METTL15: variants seen among roughly 807,000 people sequenced by gnomAD.
METTL15 encodes 12S rRNA N(4)-cytidine methyltransferase METTL15.
In METTL15, 34 loss-of-function variants were observed where a neutral mutation model predicts 38.3. The observed-to-expected ratio is 0.89, with a 90% CI of 0.68 to 1.18. The LOEUF (loss-of-function observed/expected upper bound fraction) is 1.18. Ranked by LOEUF, METTL15 falls within the 50% of genes most tolerant of loss-of-function variation. The pLI is 0.00. For missense variants in METTL15, 438 were observed against 498.4 expected (o/e 0.88, Z 1.15); for synonymous variants, 162 against 170.9 (o/e 0.95, Z 0.41).
chr11:28,117,055 T>C (rs980645441), intron 3 of METTL15, among the ~76,000 whole-genome samples: 2 of 152,132 alleles, frequency 1.3e-5, no homozygotes, highest in Non-Finnish European at 2.9e-5. Context: ...ATAAAACTTC[T>C]TGTTGAATGT....
intron 6 of METTL15, among the ~76,000 whole-genome samples, chr11:28,478,321 C>G (rs562120793): frequency 2.0e-5 from 3 of 152,116 alleles, no homozygotes; most frequent in African/African-American, 7.2e-5. Flanking sequence ...AATCTAAAGA[C>G]CACTCACAGA....
intron 4 of METTL15, among the ~76,000 whole-genome samples, chr11:28,276,216 C>T (rs574518017): frequency 6.6e-6 from 1 of 151,948 alleles, no homozygotes; most frequent in Non-Finnish European, 1.5e-5. Context: ...TGCCAGAAAC[C>T]TTTTAGATTT....
At chr11:28,275,882 A>G (rs1855823512) in intron 4 of METTL15, among the ~76,000 whole-genome samples, 1 of 152,084 alleles carries the variant, frequency 6.6e-6, no homozygotes, top group South Asian at 2.1e-4. Flanking sequence ...AACAACATTT[A>G]ATAAAATTCA....
chr11:28,108,783 CAAAAT>C (rs1851594236), intron 1 of METTL15, among the ~76,000 whole-genome samples: 1 of 152,070 alleles, frequency 6.6e-6, no homozygotes, highest in South Asian at 2.1e-4. Context: ...GATGGCATAA[CAAAAT>C]AAATTTAAAG....
intron 4 of METTL15, among the ~76,000 whole-genome samples, chr11:28,274,888 A>T (rs1480405841): frequency 6.6e-6 from 1 of 151,848 alleles, no homozygotes; most frequent in Non-Finnish European, 1.5e-5. Flanking sequence ...ATATATATGT[A>T]ACAAACCTGC....
intron 5 of METTL15, among the ~76,000 whole-genome samples, chr11:28,393,572 C>T (rs1169967493): frequency 1.3e-5 from 2 of 152,036 alleles, no homozygotes; most frequent in African/African-American, 4.8e-5. Context: ...CAAACGGGGG[C>T]TGGCTGTTGG....
rs186473173 is a variant in METTL15 at position 28,292,523 on chromosome 11, G to A, written c.599+2126G>A. ...GAATAGTGCCTCAATAAACATACGT[G>A]TGCGTGTGTCTTTATAGCAGCATGA... On this transcript the variant is annotated intron_variant, in intron 5 of 6. Coordinates refer to ENST00000407364, the MANE Select transcript of METTL15 (RefSeq NM_001113528.2). 7.6e-4 allele frequency among the ~76,000 whole-genome samples: 115 copies of A among 152,206 alleles called. 2 individuals carry two copies. The highest frequency in any genetic ancestry group is 1.5e-3 in the Admixed American group (23 of 15,288).
At chr11:28,434,038 A>C (rs889689299) in intron 6 of METTL15, among the ~76,000 whole-genome samples, 1 of 152,082 alleles carries the variant, frequency 6.6e-6, no homozygotes, top group Non-Finnish European at 1.5e-5. Context: ...CTGTTTCCCC[A>C]CCCAAATCTC....
intron 4 of METTL15, among the ~76,000 whole-genome samples, chr11:28,255,649 T>C (rs1253901766): frequency 6.6e-6 from 1 of 152,228 alleles, no homozygotes; most frequent in African/African-American, 2.4e-5. Context: ...AAAGAGTTTT[T>C]ATTATAAAGG....
chr11:28,512,510 A>G (rs188484853), intron 6 of METTL15, among the ~76,000 whole-genome samples: 14 of 152,266 alleles, frequency 9.2e-5, no homozygotes, highest in Non-Finnish European at 2.1e-4. Flanking sequence ...TGAGAAATCA[A>G]TCTCAGCGCC....
chr11:28,162,345 A>G (rs1330992463), intron 3 of METTL15, among the ~76,000 whole-genome samples: 2 of 152,176 alleles, frequency 1.3e-5, no homozygotes, highest in Non-Finnish European at 2.9e-5. Context: ...AGAGTATGGT[A>G]GGTAGTATCA....
At chr11:28,522,663 C>T (rs1364221061) in intron 6 of METTL15, among the ~76,000 whole-genome samples, 1 of 152,130 alleles carries the variant, frequency 6.6e-6, no homozygotes, top group Admixed American at 6.5e-5. Flanking sequence ...CACAAGAAGG[C>T]AGAAGGAGCC....
At chr11:28,372,192 T>A (rs951502730) in intron 5 of METTL15, among the ~76,000 whole-genome samples, 3 of 152,058 alleles carry the variant, frequency 2.0e-5, no homozygotes, top group African/African-American at 7.2e-5. Context: ...AAAGAGATGT[T>A]GAATTTTATT....
chr11:28,457,902 TCA>T (rs1488167387), intron 6 of METTL15, among the ~76,000 whole-genome samples: 23 of 152,214 alleles, frequency 1.5e-4, no homozygotes, highest in African/African-American at 5.5e-4. Context: ...CATTTTTAGC[TCA>T]CAGTTTTTGT....
intron 6 of METTL15, among the ~76,000 whole-genome samples, chr11:28,304,434 T>A (rs1857012329): frequency 6.6e-6 from 1 of 152,096 alleles, no homozygotes; most frequent in Non-Finnish European, 1.5e-5. Context: ...AAGATAAAAT[T>A]TATGCCAGGC....
At chr11:28,145,491 A>G (rs1849849834) in intron 3 of METTL15, 1 of 151,820 alleles carries the variant, frequency 6.6e-6, no homozygotes, top group Admixed American at 6.6e-5. Context: ...GATTTCTCTC[A>G]CTGGATTCCT....
intron 4 of METTL15, among the ~76,000 whole-genome samples, chr11:28,220,946 G>A (rs1853181651): frequency 6.6e-6 from 1 of 152,192 alleles, no homozygotes; most frequent in African/African-American, 2.4e-5. Flanking sequence ...AGTCTGATGG[G>A]CTTCCCTTTG....
intron 6 of METTL15, among the ~76,000 whole-genome samples, chr11:28,305,965 G>A (rs1177221752): frequency 6.6e-6 from 1 of 152,036 alleles, no homozygotes; most frequent in African/African-American, 2.4e-5. Flanking sequence ...GGATTTCAGG[G>A]GGCTGAGGAG....
At chr11:28,197,399 G>A (rs958411808) in intron 3 of METTL15, 7 of 280,586 alleles carry the variant, frequency 2.5e-5, no homozygotes, top group African/African-American at 4.5e-5. Flanking sequence ...ATTAAAATCC[G>A]TTTTATAATA....
Sources: allele counts gnomAD v4.1 joint callset (sites outside exome capture counted in the v4.1 genomes callset), GRCh38; gene constraint gnomAD v4.1.1; transcripts MANE v1.5; gene names NCBI Gene and HGNC (gene_info 2026-07-23, HGNC 2026-07-21).